The following NXPE2 variants were observed in gnomAD, a reference collection of about 807,000 sequenced individuals.
The protein encoded by NXPE2 is neurexophilin and PC-esterase domain family member 2, also known as NXPE family member 2.
Under a neutral mutation model 34.4 loss-of-function variants are expected in NXPE2, and 34 were observed. The observed-to-expected ratio is 0.99, with a 90% confidence interval of 0.75 to 1.31. The LOEUF (loss-of-function observed/expected upper bound fraction) is 1.31. Ranked by LOEUF, NXPE2 falls within the 40% of genes most tolerant of loss-of-function variation. The probability of loss-of-function intolerance (pLI) is 0.00; values close to 1 mark genes in which losing one functional copy is unlikely to be tolerated. For synonymous variants in NXPE2, 235 were observed against 231.3 expected, an observed-to-expected ratio of 1.02 and a Z score of -0.15; for missense variants, 649 against 672.5, an observed-to-expected ratio of 0.97 and a Z score of 0.39.
chr11:114,491,780 C>T, the NXPE2 span, among the ~76,000 whole-genome samples: 1 of 152,098 alleles, frequency 6.6e-6, no homozygotes, highest in Non-Finnish European at 1.5e-5. Flanking sequence ...CAATGATAGA[C>T]TGGATTAAGA....
At chr11:114,625,259 C>T in the NXPE2 span, among the ~76,000 whole-genome samples, 6 of 152,232 alleles carry the variant, frequency 3.9e-5, no homozygotes, top group East Asian at 1.2e-3. Flanking sequence ...CCACTGTTTC[C>T]CAGTGGGTAA....
At chr11:114,767,303 ATAT>A in the NXPE2 span, among the ~76,000 whole-genome samples, 5 of 152,166 alleles carry the variant, frequency 3.3e-5, no homozygotes, top group Non-Finnish European at 7.4e-5. Context: ...CACTAGATTG[ATAT>A]TATCGTTATC....
At chr11:114,558,060 C>T in the NXPE2 span, among the ~76,000 whole-genome samples, 3 of 152,052 alleles carry the variant, frequency 2.0e-5, no homozygotes, top group Non-Finnish European at 2.9e-5. Context: ...TGCTCTCTGA[C>T]GCTTAACAGA....
At chr11:114,761,309 A>G in the NXPE2 span, among the ~76,000 whole-genome samples, 3 of 152,200 alleles carry the variant, frequency 2.0e-5, no homozygotes, top group Admixed American at 6.5e-5. Flanking sequence ...ACGTTCAGCT[A>G]TGAACTGAAA....
chr11:114,587,563 A>G, the NXPE2 span, among the ~76,000 whole-genome samples: 1 of 152,344 alleles, frequency 6.6e-6, no homozygotes, highest in South Asian at 2.1e-4. Context: ...GAGCATGACT[A>G]ATCCCAATCC....
At chr11:114,531,893 C>A in the NXPE2 span, among the ~76,000 whole-genome samples, 2,071 of 152,286 alleles carry the variant, frequency 0.014, 51 homozygotes, top group African/African-American at 0.048. Flanking sequence ...TCCAATCTTG[C>A]TGGTAGTCAG....
At chr11:114,556,981 C>T in the NXPE2 span, among the ~76,000 whole-genome samples, 5 of 151,290 alleles carry the variant, frequency 3.3e-5, 1 homozygote, top group South Asian at 1.0e-3. Context: ...CAACCTCTGT[C>T]TCCTGGGTTC....
At chr11:114,637,030 G>A in the NXPE2 span, among the ~76,000 whole-genome samples, 1 of 152,042 alleles carries the variant, frequency 6.6e-6, no homozygotes, top group Admixed American at 6.5e-5. Context: ...TTGACTTTCT[G>A]TCTCATTGAT....
chr11:114,779,988 C>A, the NXPE2 span, among the ~76,000 whole-genome samples: 1 of 152,138 alleles, frequency 6.6e-6, no homozygotes, highest in South Asian at 2.1e-4. Context: ...AATCTCACCG[C>A]GAGTGTTTTC....
At chr11:114,637,810 G>T in the NXPE2 span, among the ~76,000 whole-genome samples, 17 of 152,140 alleles carry the variant, frequency 1.1e-4, no homozygotes, top group South Asian at 3.1e-3. Flanking sequence ...CTTCTGGCTT[G>T]TAGAGTTTCT....
chr11:114,532,947 G>A, the NXPE2 span, among the ~76,000 whole-genome samples: 1 of 152,092 alleles, frequency 6.6e-6, no homozygotes, highest in Non-Finnish European at 1.5e-5. Context: ...GCAATAAAAG[G>A]ATTTGATGTA....
the NXPE2 span, among the ~76,000 whole-genome samples, chr11:114,646,022 CTT>C: frequency 6.6e-6 from 1 of 152,044 alleles, no homozygotes; most frequent in Non-Finnish European, 1.5e-5. Flanking sequence ...AGAAAAATCT[CTT>C]GATTTTGCTA....
chr11:114,751,609 TA>T, the NXPE2 span, among the ~76,000 whole-genome samples: 1 of 152,102 alleles, frequency 6.6e-6, no homozygotes, highest in Non-Finnish European at 1.5e-5. Context: ...GGATGAGATT[TA>T]AAAGCTTAAA....
chr11:114,779,941 C>T, the NXPE2 span, among the ~76,000 whole-genome samples: 1 of 152,218 alleles, frequency 6.6e-6, no homozygotes, highest in South Asian at 2.1e-4. Flanking sequence ...TGAAAACACT[C>T]CAGGGAGGAA....
chr11:114,694,193 G>A (rs1951206238), intron 2 of NXPE2, among the ~76,000 whole-genome samples: 1 of 152,108 alleles, frequency 6.6e-6, no homozygotes, highest in South Asian at 2.1e-4. Flanking sequence ...TATAATTTAA[G>A]ATACTATTCC....
chr11:114,728,144 C>A, the NXPE2 span, among the ~76,000 whole-genome samples: 4 of 152,160 alleles, frequency 2.6e-5, no homozygotes, highest in South Asian at 6.2e-4. Context: ...GTTTTAATTG[C>A]ACATCTCTCA....
At chr11:114,688,891 A>G (rs997542622) in intron 2 of NXPE2, among the ~76,000 whole-genome samples, 2 of 152,112 alleles carry the variant, frequency 1.3e-5, no homozygotes, top group Admixed American at 1.3e-4. Flanking sequence ...AGAAATATTC[A>G]TAGTAGTCTC....
At chr11:114,672,748 T>A in the NXPE2 span, among the ~76,000 whole-genome samples, 1 of 151,784 alleles carries the variant, frequency 6.6e-6, no homozygotes, top group Admixed American at 6.6e-5. Context: ...TGTCAATACA[T>A]CAGGGAGATA....
chr11:114,670,015 A>C, the NXPE2 span, among the ~76,000 whole-genome samples: 5 of 152,056 alleles, frequency 3.3e-5, no homozygotes, highest in Non-Finnish European at 7.4e-5. Flanking sequence ...CAACTAATTT[A>C]CCAGAGGAAA....
Sources: gnomAD v4.1 joint callset for allele counts (sites outside exome capture counted in the v4.1 genomes callset) on GRCh38, gnomAD v4.1.1 for gene constraint, MANE v1.5 for transcripts, NCBI Gene and HGNC (gene_info 2026-07-23, HGNC 2026-07-21) for gene names.